PLCE1: variants seen among roughly 807,000 people sequenced by gnomAD.
The protein encoded by PLCE1 is phospholipase C epsilon 1, also known as 1-phosphatidylinositol 4,5-bisphosphate phosphodiesterase epsilon-1.
Under a neutral mutation model 242.8 loss-of-function variants are expected in PLCE1, and 119 were observed. That is an observed-to-expected ratio of 0.49 (90% confidence interval 0.42 to 0.57). The LOEUF (loss-of-function observed/expected upper bound fraction) is 0.57, where lower values mean the gene tolerates loss of function less well. Among genes scored for constraint, PLCE1 ranks in the 20% least tolerant of loss-of-function variants. The pLI, the probability that PLCE1 is intolerant of heterozygous loss-of-function variation, is 0.00. For missense variants in PLCE1, 2,441 were observed against 2,788.8 expected (o/e 0.88, Z 2.81); for synonymous variants, 945 against 1,017.4 (o/e 0.93, Z 1.35).
chr10:94,256,338 A>AAAAGAAAGAAAG (rs1290627133), intron 11 of PLCE1, among the ~76,000 whole-genome samples: 15 of 140,438 alleles, frequency 1.1e-4, no homozygotes, highest in African/African-American at 3.9e-4. Context: ...AAAAAAAAAA[A>AAAAGAAAGAAAG]AAAGAAAGAA....
intron 2 of PLCE1, among the ~76,000 whole-genome samples, chr10:94,083,907 G>C (rs957042032): frequency 2.2e-4 from 34 of 152,182 alleles, no homozygotes; most frequent in Non-Finnish European, 1.5e-5. Context: ...GTAACTGAGA[G>C]TTTGTAGTTA....
chr10:94,316,474 T>A (rs766648019), intron 28 of PLCE1, 73 bp from the exon 29 acceptor site: 25 of 936,982 alleles, frequency 2.7e-5, no homozygotes, highest in Non-Finnish European at 4.0e-5. Context: ...AGCAAACCTA[T>A]CTGAACACCA....
At chr10:94,010,698 A>G (rs1236591751) in intron 1 of PLCE1, among the ~76,000 whole-genome samples, 1 of 152,228 alleles carries the variant, frequency 6.6e-6, no homozygotes, top group African/African-American at 2.4e-5. Context: ...ACCCCAAGTC[A>G]TCATTCTTAA....
intron 21 of PLCE1, among the ~76,000 whole-genome samples, chr10:94,284,540 T>A (rs1307677703): frequency 6.6e-6 from 1 of 152,200 alleles, no homozygotes; most frequent in Non-Finnish European, 1.5e-5. Flanking sequence ...TTGTAAGATA[T>A]GTCAAAAATT....
chr10:94,303,745 G>GC (rs1237354945), intron 24 of PLCE1, among the ~76,000 whole-genome samples: 2 of 152,068 alleles, frequency 1.3e-5, no homozygotes, highest in Non-Finnish European at 2.9e-5. Context: ...AAGTAGAGTT[G>GC]CCCCTCCATA....
chr10:94,100,457 G>A (rs1000231583), intron 2 of PLCE1: 7 of 152,204 alleles, frequency 4.6e-5, no homozygotes, highest in African/African-American at 1.7e-4. Context: ...GAGGTTGGAT[G>A]TGCTCATCTA....
At chr10:94,273,332 G>A (rs1453724907) in intron 18 of PLCE1, among the ~76,000 whole-genome samples, 3 of 152,166 alleles carry the variant, frequency 2.0e-5, no homozygotes, top group African/African-American at 7.2e-5. Context: ...GACACCAGCT[G>A]CAGAGTGGCC....
intron 27 of PLCE1, among the ~76,000 whole-genome samples, chr10:94,309,343 G>C (rs1387222044): frequency 1.3e-5 from 2 of 151,618 alleles, no homozygotes; most frequent in African/African-American, 4.8e-5. Context: ...GAGACAGTGT[G>C]TCTCTGTCAC....
chr10:94,310,419 A>C (rs1040153327), intron 27 of PLCE1, among the ~76,000 whole-genome samples: 2 of 152,160 alleles, frequency 1.3e-5, no homozygotes, highest in Non-Finnish European at 2.9e-5. Context: ...CCATGTGCAC[A>C]GGCCACACCC....
chr10:94,088,124 C>T (rs2044905783), intron 2 of PLCE1: 1 of 152,232 alleles, frequency 6.6e-6, no homozygotes, highest in Non-Finnish European at 1.5e-5. Context: ...GTACCATTAC[C>T]TAATAGCTTA....
At chr10:94,305,660 G>A (rs957288155) in intron 25 of PLCE1, among the ~76,000 whole-genome samples, 2 of 152,174 alleles carry the variant, frequency 1.3e-5, no homozygotes, top group Non-Finnish European at 2.9e-5. Context: ...AGATAGAGGC[G>A]AGGGTAGTTT....
At chr10:94,321,270 G>C (rs1164198635) in intron 29 of PLCE1, among the ~76,000 whole-genome samples, 1 of 152,134 alleles carries the variant, frequency 6.6e-6, no homozygotes, top group Non-Finnish European at 1.5e-5. Context: ...TTCTTATTTG[G>C]CTTTTGCTAA....
At chr10:94,077,987 A>G (rs1416266907) in intron 2 of PLCE1, among the ~76,000 whole-genome samples, 1 of 152,224 alleles carries the variant, frequency 6.6e-6, no homozygotes, top group Non-Finnish European at 1.5e-5. Context: ...ATTCACAGCA[A>G]ACACAGGATT....
intron 2 of PLCE1, among the ~76,000 whole-genome samples, chr10:94,048,699 AAT>A (rs988917874): frequency 2.1e-4 from 30 of 145,616 alleles, no homozygotes; most frequent in East Asian, 1.2e-3. Flanking sequence ...AAATAATATA[AAT>A]ATATATTAAA....
intron 4 of PLCE1, among the ~76,000 whole-genome samples, chr10:94,174,678 A>C (rs1023431957): frequency 6.6e-6 from 1 of 152,126 alleles, no homozygotes; most frequent in African/African-American, 2.4e-5. Context: ...CACCACATAA[A>C]TCTAGCAATG....
chr10:94,133,063 G>T (rs756192883), intron 3 of PLCE1, among the ~76,000 whole-genome samples: 2 of 151,826 alleles, frequency 1.3e-5, no homozygotes, highest in African/African-American at 4.8e-5. Flanking sequence ...TCTCCTAGTG[G>T]TAGTTTATGA....
At chr10:94,109,406 G>A (rs1410346170) in intron 2 of PLCE1, among the ~76,000 whole-genome samples, 3 of 152,178 alleles carry the variant, frequency 2.0e-5, no homozygotes, top group African/African-American at 4.8e-5. Flanking sequence ...TTAGGAGTTC[G>A]AGACCAGCCT....
chr10:94,063,151 C>T (rs1249039294), intron 2 of PLCE1, among the ~76,000 whole-genome samples: 2 of 152,228 alleles, frequency 1.3e-5, no homozygotes, highest in African/African-American at 2.4e-5. Flanking sequence ...TGCGCAAGCT[C>T]TGTGTACTTC....
intron 4 of PLCE1, among the ~76,000 whole-genome samples, chr10:94,191,305 C>G (rs186110373): frequency 6.6e-6 from 1 of 152,026 alleles, no homozygotes; most frequent in Non-Finnish European, 1.5e-5. Context: ...GAGGACCCCC[C>G]CTGCCCCAAA....
Sources: allele counts gnomAD v4.1 joint callset (sites outside exome capture counted in the v4.1 genomes callset), GRCh38; gene constraint gnomAD v4.1.1; transcripts MANE v1.5; gene names NCBI Gene and HGNC (gene_info 2026-07-23, HGNC 2026-07-21).